ZNF439: variants seen among roughly 807,000 people sequenced by gnomAD.
ZNF439 encodes the protein zinc finger protein 439.
ZNF439 carries 40 observed loss-of-function variants against 47.3 expected under a neutral mutation model. That is an observed-to-expected ratio of 0.85 (90% CI 0.66 to 1.10). The LOEUF (loss-of-function observed/expected upper bound fraction) is 1.10. ZNF439 is among the 50% of genes least tolerant of loss of function. The pLI is 0.00. For synonymous variants in ZNF439, 171 were observed against 198.8 expected (o/e 0.86, Z 1.18); for missense variants, 556 against 601.1 (o/e 0.93, Z 0.78).
In ZNF439 at chr19:11,867,342, A is replaced by T. The variant is rs756242089; in HGVS notation, c.288A>T (p.Glu96Asp). 13 of 1,613,320 alleles carry T rather than the reference A, an allele frequency of 8.1e-6. No individual in the cohort carries two copies. The highest frequency in any genetic ancestry group is 2.7e-5 in the African/African-American group (2 of 74,848). ...VTEEKVNEIK[E>D]DSHCGETFTP... ...AAGAGAAAGTCAATGAAATTAAAGAAGACAGTCATTGTGGAGAAACTTTTA... is the reference window on the plus strand; with the variant it reads ...AAGAGAAAGTCAATGAAATTAAAGATGACAGTCATTGTGGAGAAACTTTTA... Residue 96 changes from glutamate (E) to aspartate (D), a missense_variant, in exon 4 of 4, where the codon GAA (glutamate) becomes GAT (aspartate). Transcript: ENST00000682736.
intron 1 of ZNF439, among the ~76,000 whole-genome samples, chr19:11,859,760 C>A (rs1976490238): frequency 6.6e-6 from 1 of 152,128 alleles, no homozygotes; most frequent in African/African-American, 2.4e-5. Context: ...TCTATTTCTG[C>A]TACCGAAGGA....
rs1333479803 is a variant in ZNF439, at chr19:11,862,137, C to A, written c.64-4068C>A. On this transcript the variant is annotated intron_variant, in intron 1 of 3. Transcript: ENST00000682736. The stretch of plus-strand genomic sequence containing the variant: ...TGTTAGAGACAGGGTCACAAACTCC[C>A]AAGCTCAGGTGATCCTCCTGCCTCA... Among the ~76,000 whole-genome samples the A allele has an allele frequency of 2.6e-5, 4 of 152,262 alleles. No homozygotes were observed. The East Asian group carries it at 7.7e-4, about 29-fold the overall frequency.
intron 1 of ZNF439, 137 bp downstream of exon 1, chr19:11,849,067 G>A (rs1038891675): frequency 3.4e-5 from 42 of 1,223,340 alleles, no homozygotes; most frequent in Admixed American, 7.1e-5. Flanking sequence ...CCCCGCGGCC[G>A]CTGGATGTGG....
At chr19:11,848,965 A>G in intron 1 of ZNF439, 35 bp downstream of exon 1, 1 of 1,520,074 alleles carries the variant, frequency 6.6e-7, no homozygotes. Context: ...GCGATGGGGG[A>G]GGGGCTGCCT....
In ZNF439 at chr19:11,848,727, CTG is replaced by C. The variant is rs1386365715; in HGVS notation, c.-138_-137del. ...AGGCACTGGCTCGGGGCCCTGCCCA[CTG>C]TGCATCCAGGCACGGAGGATGTTGC... is the stretch of plus-strand genomic sequence containing the variant. On this transcript the variant is annotated 5_prime_UTR_variant, in exon 1 of 4. Transcript: ENST00000682736. The C allele has an allele frequency of 8.8e-7, 1 of 1,133,414 alleles. No individual in the cohort carries two copies. The highest frequency in any genetic ancestry group is 1.1e-6 in the Non-Finnish European group (1 of 883,340). The allele number at this position is 1,133,414 out of a possible 1,614,324, so 70.2% of individuals were successfully genotyped here. A position where few individuals can be genotyped will look rare whatever the true frequency, so the allele number is the denominator to read the frequency against.
rs563403021 is a variant in ZNF439, at chr19:11,868,696, C to T, written c.*127C>T. 148 of 1,059,650 alleles carry T rather than the reference C, an allele frequency of 1.4e-4. No homozygotes were observed. The highest frequency in any genetic ancestry group is 1.2e-3 in the Admixed American group (53 of 44,892). 65.6% of individuals were successfully genotyped at this position (1,059,650 alleles called of 1,614,324 possible). A position where few individuals can be genotyped will look rare whatever the true frequency, so the allele number is the denominator to read the frequency against. On this transcript the variant is annotated 3_prime_UTR_variant, in exon 4 of 4. Transcript: ENST00000682736. ...AAGCCTTAATTGTTCCAGTTCCTTT[C>T]GATATCTAAAAGGACTCACAGTGGA...
intron 3 of ZNF439, 106 bp from the exon 4 acceptor site, chr19:11,867,200 C>A (rs917906501): frequency 1.9e-5 from 25 of 1,309,908 alleles, no homozygotes; most frequent in Non-Finnish European, 2.6e-5. Context: ...GGGCAGAAAG[C>A]CTACACTTTG....
chr19:11,854,510 A>G (rs757061205), intron 1 of ZNF439, among the ~76,000 whole-genome samples: 26 of 152,380 alleles, frequency 1.7e-4, no homozygotes, highest in Middle Eastern at 3.4e-3. Context: ...CTGTAATCCC[A>G]GCACTTTGGG....
Position 11,869,168 on chromosome 19 carries a change from A to G in ZNF439, c.*599A>G. On this transcript the variant is annotated 3_prime_UTR_variant, in exon 4 of 4. Coordinates refer to ENST00000682736, the MANE Select transcript of ZNF439 (RefSeq NM_001348719.2). ...CCCTATGAATGTAAGCAATGTGGCA[A>G]AAGCTTTCACTTCTTCCAGTTCTTT... The G allele has an allele frequency of 4.9e-6, 1 of 205,938 alleles. No homozygotes were observed. Among genetic ancestry groups the G allele is most frequent in the Non-Finnish European group, 1.1e-5 (1 of 93,854 alleles). The allele number at this position is 205,938 out of a possible 1,614,324, so 12.8% of individuals were successfully genotyped here.
chr19:11,858,109 TAGAAGGCACAG>T (rs1976435209), intron 1 of ZNF439: 1 of 152,038 alleles, frequency 6.6e-6, no homozygotes, highest in Non-Finnish European at 1.5e-5. Flanking sequence ...CTTGGATGAA[TAGAAGGCACAG>T]AGAAGGCAGA....
In ZNF439 at chr19:11,868,537, C is replaced by T. The variant is rs1219433872; in HGVS notation, c.1483C>T (p.His495Tyr). 2 of 1,611,402 alleles carry T rather than the reference C, an allele frequency of 1.2e-6. No individual in the cohort carries two copies. Among genetic ancestry groups the T allele is most frequent in the South Asian group, 2.2e-5 (2 of 90,894 alleles). The change falls in exon 4 of 4, where the codon CAT (histidine) becomes TAT (tyrosine). Residue 495 changes from histidine to tyrosine, a missense_variant. Coordinates refer to ENST00000682736, the MANE Select transcript of ZNF439 (RefSeq NM_001348719.2). ...NFRFHERTQT[H>Y]KNALWRKTL ...TCGATTTCATGAAAGGACACAAACA[C>T]ATAAGAATGCACTCTGGAGAAAGAC...
intron 1 of ZNF439, among the ~76,000 whole-genome samples, chr19:11,854,807 G>C (rs1005761799): frequency 2.0e-5 from 3 of 152,126 alleles, no homozygotes; most frequent in African/African-American, 7.2e-5. Flanking sequence ...GATTAATGTA[G>C]TGATATAACT....
intron 1 of ZNF439, among the ~76,000 whole-genome samples, chr19:11,865,687 C>A (rs1264579769): frequency 8.0e-6 from 1 of 124,566 alleles, no homozygotes; most frequent in African/African-American, 3.2e-5. Context: ...ACAGCCCAAG[C>A]AGCTGACAGA....
At chr19:11,865,734 A>AC (rs1568260061) in intron 1 of ZNF439, among the ~76,000 whole-genome samples, 29 of 130,554 alleles carry the variant, frequency 2.2e-4, no homozygotes, top group African/African-American at 7.4e-4. Flanking sequence ...AAAAAAAAAA[A>AC]AAAAAATTGC....
chr19:11,854,299 A>G (rs1362208682), intron 1 of ZNF439, among the ~76,000 whole-genome samples: 1 of 152,240 alleles, frequency 6.6e-6, no homozygotes, highest in Non-Finnish European at 1.5e-5. Context: ...GTGACCAAGG[A>G]AACAATAGCC....
chr19:11,860,647 C>T (rs543404127), intron 1 of ZNF439, among the ~76,000 whole-genome samples: 11 of 152,232 alleles, frequency 7.2e-5, no homozygotes, highest in South Asian at 2.1e-4. Context: ...AAGAAGGGGT[C>T]GGGGGCACCT....
chr19:11,849,005 G>C (rs1367480832), intron 1 of ZNF439, 75 bp downstream of exon 1: 1 of 1,415,732 alleles, frequency 7.1e-7, no homozygotes, highest in East Asian at 3.3e-5. Flanking sequence ...CCTCCCTGTG[G>C]GCGACTCCGG....
chr19:11,861,388 C>A (rs887488055), intron 1 of ZNF439, among the ~76,000 whole-genome samples: 1 of 152,176 alleles, frequency 6.6e-6, no homozygotes, highest in Non-Finnish European at 1.5e-5. Context: ...CTCGGGCTGA[C>A]TCAAGTTCCC....
chr19:11,868,013 G>T lies in ZNF439; in HGVS notation c.959G>T (p.Arg320Ile), dbSNP rs112352083. The T allele has an allele frequency of 0.039, 62,302 of 1,614,120 alleles. 1,414 individuals carry two copies. Among genetic ancestry groups the T allele is most frequent in the Non-Finnish European group, 0.045 (53,677 of 1,180,012 alleles). ...KAFMCPRYVR[R>I]HERTHSRKKL... ...TTCATGTGTCCCCGTTATGTTCGTA[G>T]ACATGAAAGGACCCACTCTAGGAAA... The change falls in exon 4 of 4, where the codon AGA (arginine) becomes ATA (isoleucine). Residue 320 changes from arginine (R) to isoleucine (I), a missense_variant. Arg to Ile is a moderately conservative substitution (Grantham distance 97, BLOSUM62 -3). Transcript: ENST00000682736.
Sources: gnomAD v4.1 joint callset for allele counts (sites outside exome capture counted in the v4.1 genomes callset) on GRCh38, gnomAD v4.1.1 for gene constraint, MANE v1.5 for transcripts, NCBI Gene and HGNC (gene_info 2026-07-23, HGNC 2026-07-21) for gene names.